Variants in PHF24 observed in about 807,000 individuals in gnomAD.
The protein encoded by PHF24 is Galpha inhibitory interacting protein.
A neutral mutation model predicts 42.6 loss-of-function variants in PHF24; 25 were observed. The ratio of observed to expected loss-of-function variants is 0.59; its 90% CI spans 0.43 to 0.82. The LOEUF is 0.82. Among genes scored for constraint, PHF24 ranks in the 40% least tolerant of loss-of-function variants. PHF24 has a pLI of 0.00. For missense variants in PHF24, 470 were observed against 538.1 expected (o/e 0.87, Z 1.25); for synonymous variants, 185 against 204.8 (o/e 0.90, Z 0.83).
the PHF24 span, among the ~76,000 whole-genome samples, chr9:34,916,342 G>T: frequency 3.3e-5 from 5 of 152,184 alleles, no homozygotes; most frequent in Admixed American, 2.6e-4. Flanking sequence ...GGAACCCATT[G>T]CCCTGGCAAC....
chr9:34,722,676 G>C, the PHF24 span, among the ~76,000 whole-genome samples: 1 of 152,168 alleles, frequency 6.6e-6, no homozygotes, highest in African/African-American at 2.4e-5. Context: ...CTCCTCACCA[G>C]CTGATTGCTT....
At chr9:34,715,738 G>C in the PHF24 span, among the ~76,000 whole-genome samples, 147 of 152,318 alleles carry the variant, frequency 9.7e-4, 1 homozygote, top group Middle Eastern at 3.4e-3. Context: ...TCACCAGACT[G>C]AGATCCTGGG....
At chr9:34,702,137 T>C in the PHF24 span, among the ~76,000 whole-genome samples, 2 of 152,056 alleles carry the variant, frequency 1.3e-5, no homozygotes, top group Admixed American at 1.3e-4. Context: ...TGCCCATAAG[T>C]GGACACAGGG....
chr9:34,686,603 G>A, the PHF24 span, among the ~76,000 whole-genome samples: 1 of 152,208 alleles, frequency 6.6e-6, no homozygotes, highest in African/African-American at 2.4e-5. Flanking sequence ...ATCCCCCAAA[G>A]GCTAAGAGCA....
chr9:34,916,276 C>G, the PHF24 span, among the ~76,000 whole-genome samples: 1 of 152,298 alleles, frequency 6.6e-6, no homozygotes, highest in East Asian at 1.9e-4. Context: ...CCCTCCCCAC[C>G]ACTTGTGATT....
At chr9:34,712,761 G>A in the PHF24 span, among the ~76,000 whole-genome samples, 34,752 of 151,532 alleles carry the variant, frequency 0.23, 4,756 homozygotes, top group African/African-American at 0.38. Flanking sequence ...AAGGGCCATT[G>A]TTTCCCAATT....
chr9:34,901,187 A>T, the PHF24 span, among the ~76,000 whole-genome samples: 1 of 152,356 alleles, frequency 6.6e-6, no homozygotes, highest in South Asian at 2.1e-4. Context: ...AATAATACCA[A>T]TTCTACATAA....
chr9:34,749,170 A>T, the PHF24 span, among the ~76,000 whole-genome samples: 1 of 152,018 alleles, frequency 6.6e-6, no homozygotes, highest in Non-Finnish European at 1.5e-5. Context: ...AGGGGAGACA[A>T]AAGAAAAAAG....
At chr9:34,677,389 G>GTTTTTTTTTTTTTTTTTTT in the PHF24 span, among the ~76,000 whole-genome samples, 43 of 79,768 alleles carry the variant, frequency 5.4e-4, 3 homozygotes, top group Admixed American at 6.6e-4. Flanking sequence ...TTTGTAAACT[G>GTTTTTTTTTTTTTTTTTTT]TTTTTTTTTT....
At chr9:34,857,971 GGTT>G in the PHF24 span, among the ~76,000 whole-genome samples, 1,376 of 109,794 alleles carry the variant, frequency 0.013, 19 homozygotes, top group East Asian at 0.042. Context: ...TTGTTTCTCT[GGTT>G]TTTTTTTTTT....
chr9:34,692,785 C>CTTT, the PHF24 span, among the ~76,000 whole-genome samples: 21 of 120,056 alleles, frequency 1.7e-4, no homozygotes, highest in East Asian at 4.9e-4. Flanking sequence ...TTCTTTTGTC[C>CTTT]TTTTTTTTTT....
the PHF24 span, chr9:34,835,853 C>T: frequency 8.0e-7 from 1 of 1,257,474 alleles, no homozygotes; most frequent in Non-Finnish European, 1.1e-6. Flanking sequence ...ATACTCTGCT[C>T]AAAGGATACA....
At chr9:34,713,018 A>T in the PHF24 span, among the ~76,000 whole-genome samples, 3 of 152,308 alleles carry the variant, frequency 2.0e-5, no homozygotes, top group Non-Finnish European at 4.4e-5. Flanking sequence ...ATAACTGGGC[A>T]TTCTGAATAT....
At chr9:34,902,088 C>A in the PHF24 span, among the ~76,000 whole-genome samples, 1 of 152,092 alleles carries the variant, frequency 6.6e-6, no homozygotes, top group Non-Finnish European at 1.5e-5. Flanking sequence ...AGTAAAAACT[C>A]AGAAGACAGA....
chr9:34,914,430 T>G, the PHF24 span, among the ~76,000 whole-genome samples: 1 of 152,190 alleles, frequency 6.6e-6, no homozygotes, highest in Non-Finnish European at 1.5e-5. Context: ...TTGTTGGTTT[T>G]CCTCCCCATT....
the PHF24 span, among the ~76,000 whole-genome samples, chr9:34,806,775 C>T: frequency 6.6e-6 from 1 of 152,124 alleles, no homozygotes; most frequent in Non-Finnish European, 1.5e-5. Flanking sequence ...ATAAGTTTTG[C>T]AAAACTTATT....
At chr9:34,823,415 C>T in the PHF24 span, among the ~76,000 whole-genome samples, 68 of 152,188 alleles carry the variant, frequency 4.5e-4, no homozygotes, top group African/African-American at 1.6e-3. Context: ...CTTGGTCATG[C>T]CATCCAGGAG....
At chr9:34,912,658 T>C in the PHF24 span, among the ~76,000 whole-genome samples, 1 of 152,240 alleles carries the variant, frequency 6.6e-6, no homozygotes. Flanking sequence ...CTGAAGTCTT[T>C]GGAACTACTG....
the PHF24 span, among the ~76,000 whole-genome samples, chr9:34,858,941 T>A: frequency 6.6e-6 from 1 of 152,206 alleles, no homozygotes; most frequent in Non-Finnish European, 1.5e-5. Context: ...GCAGACTGAC[T>A]CTTTGTCAGG....
Sources: allele counts gnomAD v4.1 joint callset (sites outside exome capture counted in the v4.1 genomes callset), GRCh38; gene constraint gnomAD v4.1.1; transcripts MANE v1.5; gene names NCBI Gene and HGNC (gene_info 2026-07-23, HGNC 2026-07-21).